The following VPS35L variants were observed in gnomAD, a reference collection of about 807,000 sequenced individuals.
The protein encoded by VPS35L is VPS35 endosomal protein sorting factor like, also known as VPS35 endosomal protein-sorting factor-like.
Under a neutral mutation model 133.0 loss-of-function variants are expected in VPS35L, and 83 were observed. That is an observed-to-expected ratio of 0.62 (90% CI 0.52 to 0.75). VPS35L has a LOEUF of 0.75. Ranked by LOEUF, VPS35L falls within the 30% of genes least tolerant of loss-of-function variation. The probability of loss-of-function intolerance (pLI) is 0.00; values close to 1 mark genes in which losing one functional copy is unlikely to be tolerated. For missense variants in VPS35L, 1,083 were observed against 1,206.8 expected, an observed-to-expected ratio of 0.90 and a Z score of 1.52; for synonymous variants, 423 against 449.9, an observed-to-expected ratio of 0.94 and a Z score of 0.76.
intron 1 of VPS35L, among the ~76,000 whole-genome samples, chr16:19,564,328 C>T (rs113386878): frequency 5.2e-4 from 78 of 149,136 alleles, no homozygotes; most frequent in Non-Finnish European, 8.9e-4. Context: ...CCGCCTGCCT[C>T]GGCCTCCCAA....
intron 8 of VPS35L, among the ~76,000 whole-genome samples, chr16:19,597,189 C>CA (rs1286531813): frequency 6.6e-6 from 1 of 151,806 alleles, no homozygotes; most frequent in African/African-American, 2.4e-5. Flanking sequence ...GGCAGCATAG[C>CA]AAAACCCCAT....
intron 6 of VPS35L, among the ~76,000 whole-genome samples, chr16:19,581,304 TCC>T (rs1971700962): frequency 6.6e-6 from 1 of 151,986 alleles, no homozygotes; most frequent in Non-Finnish European, 1.5e-5. Context: ...CTGACTTGCT[TCC>T]AAGGCCAGAC....
intron 24 of VPS35L, among the ~76,000 whole-genome samples, chr16:19,648,874 C>CAAAAAA (rs552677405): frequency 1.1e-5 from 1 of 91,842 alleles, no homozygotes; most frequent in African/African-American, 3.6e-5. Context: ...GACTCCATCT[C>CAAAAAA]AAAAAAAAAA....
intron 26 of VPS35L, among the ~76,000 whole-genome samples, chr16:19,667,693 C>T (rs956233534): frequency 2.7e-5 from 4 of 149,710 alleles, no homozygotes; most frequent in Non-Finnish European, 5.9e-5. Context: ...GAGATCACAC[C>T]GTTGCACTTC....
At chr16:19,660,612 G>C (rs1452256986) in intron 26 of VPS35L, among the ~76,000 whole-genome samples, 2 of 152,142 alleles carry the variant, frequency 1.3e-5, no homozygotes, top group African/African-American at 4.8e-5. Context: ...ATCACTTCTT[G>C]ACTGTCACTT....
chr16:19,688,208 T>C (rs2151623373), intron 28 of VPS35L, among the ~76,000 whole-genome samples: 1 of 152,218 alleles, frequency 6.6e-6, no homozygotes, highest in East Asian at 2.0e-4. Flanking sequence ...ATTACAGGCG[T>C]GAGCCACTGT....
In VPS35L at chr16:19,595,725, C is replaced by T. The variant is rs140971615; in HGVS notation, c.724+3851C>T. ...CACTCCAGCCCCGTCCTGTACTCCC[C>T]GGGCTGTAGTGCAGATGCTGCTGTC... On this transcript the variant is annotated intron_variant, in intron 8 of 30. Transcript: ENST00000417362. Among the ~76,000 whole-genome samples, 451 of 152,334 alleles carry T rather than the reference C, an allele frequency of 3.0e-3. 2 individuals are homozygous for T. The highest frequency in any genetic ancestry group is 8.7e-3 in the South Asian group (42 of 4,822).
intron 29 of VPS35L, among the ~76,000 whole-genome samples, chr16:19,692,381 G>T (rs1975724173): frequency 6.6e-6 from 1 of 152,164 alleles, no homozygotes; most frequent in African/African-American, 2.4e-5. Context: ...GTGAGATGTA[G>T]ATGCTGTGTT....
chr16:19,561,239 C>T (rs938147116), intron 1 of VPS35L, among the ~76,000 whole-genome samples: 4 of 151,994 alleles, frequency 2.6e-5, no homozygotes, highest in East Asian at 1.9e-4. Context: ...GGTGTGGTGG[C>T]GGGCGCCTGT....
chr16:19,651,460 C>T (rs181991984), intron 25 of VPS35L, among the ~76,000 whole-genome samples: 1 of 152,260 alleles, frequency 6.6e-6, no homozygotes, highest in Admixed American at 6.5e-5. Flanking sequence ...CTGCCTCAGC[C>T]TCCCAAAGTG....
chr16:19,572,783 A>G (rs2151509692), intron 3 of VPS35L, among the ~76,000 whole-genome samples: 1 of 152,192 alleles, frequency 6.6e-6, no homozygotes, highest in South Asian at 2.1e-4. Flanking sequence ...TCCAGGTTCA[A>G]GCGATTGTCC....
chr16:19,700,716 G>A lies in VPS35L; in HGVS notation c.*240G>A. The A allele has an allele frequency of 2.1e-6, 1 of 475,994 alleles. No individual in the cohort carries two copies. The highest frequency in any genetic ancestry group is 3.7e-6 in the Non-Finnish European group (1 of 267,652). 29.5% of individuals were successfully genotyped at this position (475,994 alleles called of 1,614,324 possible). On this transcript the variant is annotated 3_prime_UTR_variant, in exon 31 of 31. Transcript: ENST00000417362. ...CAGTCTCTGTGTTGTCTTTGCACAA[G>A]TGGCCTTCGGTCTACTCAGCCCGAT...
intron 8 of VPS35L, among the ~76,000 whole-genome samples, chr16:19,592,746 C>T (rs1403252784): frequency 1.3e-5 from 2 of 149,068 alleles, no homozygotes; most frequent in South Asian, 4.2e-4. Flanking sequence ...AGTACAGTGG[C>T]GTGATGTTGG....
intron 23 of VPS35L, among the ~76,000 whole-genome samples, chr16:19,645,920 G>T (rs1973932727): frequency 6.6e-6 from 1 of 152,118 alleles, no homozygotes; most frequent in South Asian, 2.1e-4. Context: ...CTGAGTAACA[G>T]CTCATCCCAA....
At chr16:19,576,175 A>AC (rs1335457592) in intron 5 of VPS35L, among the ~76,000 whole-genome samples, 2 of 148,616 alleles carry the variant, frequency 1.3e-5, no homozygotes, top group Admixed American at 6.7e-5. Flanking sequence ...CAAAAAAAAA[A>AC]AAAAACAAAA....
rs772004595 is a variant in VPS35L, at chr16:19,601,691, C to G, written c.752C>G (p.Ser251Cys). 6.2e-7 allele frequency: 1 copy of G among 1,614,162 alleles called. No individual in the cohort carries two copies. The highest frequency in any genetic ancestry group is 8.5e-7 in the Non-Finnish European group (1 of 1,180,020). ...FGKLVYERIF[S>C]MCVDSRSVLP... The stretch of plus-strand genomic sequence containing the variant: ...AAGCTCGTGTACGAGCGCATCTTTT[C>G]CATGTGTGTGGATAGCCGCAGCGTC... Residue 251 changes from serine (S) to cysteine (C), a missense_variant, in exon 9 of 31, where the codon TCC (serine) becomes TGC (cysteine). Physicochemically the swap from Ser to Cys is moderately radical, Grantham distance 112. Transcript: ENST00000417362.
chr16:19,646,072 G>A (rs775602666), intron 23 of VPS35L, among the ~76,000 whole-genome samples: 3 of 152,130 alleles, frequency 2.0e-5, no homozygotes, highest in Middle Eastern at 3.4e-3. Context: ...GAGCCACTGC[G>A]CCCAGCATGA....
intron 6 of VPS35L, chr16:19,579,394 A>C: frequency 2.7e-6 from 1 of 368,180 alleles, no homozygotes; most frequent in Non-Finnish European, 5.0e-6. Context: ...ACAGTGTCTA[A>C]TGGTAAAAAC....
At position 19,640,063 on chromosome 16, in the gene VPS35L, G is replaced by A; in HGVS notation, c.1747G>A (p.Val583Met). The change falls in exon 21 of 31, where the codon GTG becomes ATG. Residue 583 changes from valine (V) to methionine (M), a missense_variant. Physicochemically the swap from Val to Met is conservative, Grantham distance 21 (BLOSUM62 1). Transcript: ENST00000417362. ...LDMFQKESVR[V>M]EVCKCIMDAF... ...CATGTTCCAAAAAGAGAGTGTGCGGGTGGAGGTTTGCAAATGCATCATGGA... is the reference window on the plus strand; with the variant it reads ...CATGTTCCAAAAAGAGAGTGTGCGGATGGAGGTTTGCAAATGCATCATGGA... 6.2e-7 allele frequency: 1 copy of A among 1,614,200 alleles called. No homozygotes were observed. Among genetic ancestry groups the A allele is most frequent in the South Asian group, 1.1e-5 (1 of 91,084 alleles).
Sources: gnomAD v4.1 joint callset for allele counts (sites outside exome capture counted in the v4.1 genomes callset) on GRCh38, gnomAD v4.1.1 for gene constraint, MANE v1.5 for transcripts, NCBI Gene and HGNC (gene_info 2026-07-23, HGNC 2026-07-21) for gene names.